WDR49: variants seen among roughly 807,000 people sequenced by gnomAD.
The protein encoded by WDR49 is WD repeat domain 49.
WDR49 carries 107 observed loss-of-function variants against 119.5 expected under a neutral mutation model. The observed-to-expected ratio is 0.90, with a 90% CI of 0.77 to 1.05. The LOEUF (loss-of-function observed/expected upper bound fraction) is 1.05, where lower values mean the gene tolerates loss of function less well. WDR49 is among the 50% of genes least tolerant of loss of function. The pLI, the probability that WDR49 is intolerant of heterozygous loss-of-function variation, is 0.00. For missense variants in WDR49, 1,240 were observed against 1,220.5 expected (o/e 1.02, Z -0.24); for synonymous variants, 425 against 418.8 (o/e 1.01, Z -0.18).
At chr3:167,491,104 T>C (rs768675993) in intron 18 of WDR49, among the ~76,000 whole-genome samples, 4 of 152,124 alleles carry the variant, frequency 2.6e-5, no homozygotes, top group Non-Finnish European at 4.4e-5. Flanking sequence ...TCAAAACAGC[T>C]GACCTTTGCC....
In WDR49 at chr3:167,620,466, T is replaced by C; in HGVS notation, c.921A>G (p.Leu307=). The C allele has an allele frequency of 6.5e-7, 1 of 1,536,116 alleles. No individual in the cohort carries two copies. The highest frequency in any genetic ancestry group is 8.7e-7 in the Non-Finnish European group (1 of 1,146,694). Residue 307 remains leucine, a synonymous_variant, in exon 5 of 19, where the codon TTA becomes TTG. Coordinates refer to ENST00000682715, the MANE Select transcript of WDR49 (RefSeq NM_001366157.1). The part of the protein sequence containing the change: ...LSGCHKCCHI[L]EHKLHQGDWV... ...AATCTCCTTGATGAAGTTTATGCTC[T>C]AATATATGGCAACATTTGTGACATC...
chr3:167,515,996 G>A (rs62277763), intron 16 of WDR49, among the ~76,000 whole-genome samples: 43,945 of 152,052 alleles, frequency 0.29, 6,538 homozygotes, highest in African/African-American at 0.35. Context: ...ACACAAACAA[G>A]TGGAAAAACA....
At chr3:167,537,127 C>T (rs1175537233) in intron 10 of WDR49, 127 bp from the exon 11 acceptor site, 2 of 874,692 alleles carry the variant, frequency 2.3e-6, no homozygotes, top group South Asian at 4.2e-5. Flanking sequence ...TTTATCCCCA[C>T]TTGACAACCA....
chr3:167,529,135 A>T lies in WDR49; in HGVS notation c.2323T>A (p.Ser775Thr). 1.2e-6 allele frequency: 2 copies of T among 1,612,246 alleles called. No individual in the cohort carries two copies. The highest frequency in any genetic ancestry group is 2.2e-5 in the South Asian group (2 of 90,852). The part of the protein sequence containing the change: ...AEFLAHSGVG[S>T]IIMSTDKMNR... ...ATCTTATCAGTAGACATAATAATCG[A>T]TCCAACTCCACTATGAGCCAAAAAT... Residue 775 changes from serine (S) to threonine (T), a missense_variant, in exon 14 of 19, where the codon TCG becomes ACG. By Grantham distance (58) the Ser-to-Thr change is moderately conservative. Transcript: ENST00000682715.
intron 7 of WDR49, among the ~76,000 whole-genome samples, chr3:167,587,839 A>G (rs1714897645): frequency 6.6e-6 from 1 of 152,116 alleles, no homozygotes; most frequent in African/African-American, 2.4e-5. Context: ...GAGTAGGTGT[A>G]TATATTTATT....
intron 2 of WDR49, among the ~76,000 whole-genome samples, chr3:167,632,025 G>A (rs1577290354): frequency 6.6e-6 from 1 of 152,018 alleles, no homozygotes; most frequent in Admixed American, 6.6e-5. Context: ...GATTTTAAGA[G>A]TAGAGAAAGA....
intron 7 of WDR49, among the ~76,000 whole-genome samples, chr3:167,592,171 G>A (rs968849502): frequency 2.0e-5 from 3 of 152,028 alleles, no homozygotes; most frequent in East Asian, 3.8e-4. Context: ...AAACCAACAA[G>A]CAAAAAGAAA....
At position 167,596,572 on chromosome 3, in the gene WDR49, G is replaced by A. The variant is rs1294246256; in HGVS notation, c.1275+5555C>T. ...ATGATGAGTTCATGTCCTTTGTAGG[G>A]ACATGGATGAAATTGGAAATCATCA... is the stretch of plus-strand genomic sequence containing the variant. On this transcript the variant is annotated intron_variant, in intron 7 of 18. Transcript: ENST00000682715. Among the ~76,000 whole-genome samples, 6 of 149,574 alleles carry A rather than the reference G, an allele frequency of 4.0e-5. No homozygotes were observed. In the East Asian group the frequency reaches 1.2e-3, roughly 29 times the overall value.
intron 7 of WDR49, among the ~76,000 whole-genome samples, chr3:167,591,768 A>G (rs943761729): frequency 6.6e-6 from 1 of 151,832 alleles, no homozygotes; most frequent in African/African-American, 2.4e-5. Flanking sequence ...CTTTATTTTC[A>G]GTCAGTGTGT....
At position 167,573,930 on chromosome 3, in the gene WDR49, T is replaced by C. The variant is rs566492392; in HGVS notation, c.1509+1988A>G. 8.5e-4 allele frequency among the ~76,000 whole-genome samples: 129 copies of C among 152,320 alleles called. 1 individual carries two copies. The highest frequency in any genetic ancestry group is 3.0e-3 in the African/African-American group (124 of 41,572). On this transcript the variant is annotated intron_variant, in intron 8 of 18. Transcript: ENST00000682715. ...CAAGCTTCTTTGCAGGTGCTCACGT[T>C]GTATCTTCTGTCTGGAACTACTTCC...
At chr3:167,651,393 C>T (rs150407120) in intron 2 of WDR49, among the ~76,000 whole-genome samples, 2 of 152,276 alleles carry the variant, frequency 1.3e-5, no homozygotes, top group African/African-American at 4.8e-5. Context: ...GCAATCTATA[C>T]CTGTGGCCTC....
At chr3:167,645,319 TC>T (rs1338479465) in intron 2 of WDR49, among the ~76,000 whole-genome samples, 2 of 151,940 alleles carry the variant, frequency 1.3e-5, no homozygotes, top group South Asian at 2.1e-4. Flanking sequence ...CAAGCAATTC[TC>T]CCCCCTCAGC....
At chr3:167,512,217 C>T (rs543932060) in intron 16 of WDR49, among the ~76,000 whole-genome samples, 43 of 152,218 alleles carry the variant, frequency 2.8e-4, no homozygotes, top group African/African-American at 1.0e-3. Context: ...GGCATCAGGT[C>T]AGTGCACCTC....
chr3:167,500,402 T>C lies in WDR49; in HGVS notation c.2885-103A>G, dbSNP rs1023167487. ...CATTTCCAAGTTAACTTTTATAAAT[T>C]TAACCTTCCTGTTACTCAGCTGGTA... On this transcript the variant is annotated intron_variant, in intron 17 of 18. Transcript: ENST00000682715. 2.2e-6 allele frequency: 3 copies of C among 1,386,950 alleles called. No individual in the cohort carries two copies. In the Admixed American group the frequency reaches 7.2e-5, roughly 33 times the overall value. The allele number at this position is 1,386,950 out of a possible 1,614,324, so 85.9% of individuals were successfully genotyped here. A position where few individuals can be genotyped will look rare whatever the true frequency, so the allele number is the denominator to read the frequency against.
chr3:167,643,529 G>T (rs965722076), intron 2 of WDR49, among the ~76,000 whole-genome samples: 1 of 152,070 alleles, frequency 6.6e-6, no homozygotes, highest in African/African-American at 2.4e-5. Context: ...TTGGATCTGT[G>T]ATTTTATATA....
At chr3:167,645,983 T>C (rs1718104553) in intron 2 of WDR49, among the ~76,000 whole-genome samples, 1 of 152,162 alleles carries the variant, frequency 6.6e-6, no homozygotes, top group South Asian at 2.1e-4. Flanking sequence ...GGCAGTGGTA[T>C]TTACACACAT....
At chr3:167,588,434 G>A (rs1371181383) in intron 7 of WDR49, among the ~76,000 whole-genome samples, 1 of 152,082 alleles carries the variant, frequency 6.6e-6, no homozygotes, top group African/African-American at 2.4e-5. Flanking sequence ...ATATCTATAC[G>A]ATATACTGAT....
intron 8 of WDR49, among the ~76,000 whole-genome samples, chr3:167,570,959 A>T (rs1418501793): frequency 2.0e-5 from 3 of 149,006 alleles, no homozygotes; most frequent in Non-Finnish European, 4.4e-5. Flanking sequence ...CAGGAGGCGG[A>T]GGTTGCGGTG....
chr3:167,529,174 G>T lies in WDR49; in HGVS notation c.2284C>A (p.Gln762Lys), dbSNP rs1236327779. The change falls in exon 14 of 19, where the codon CAA (glutamine) becomes AAA (lysine). Residue 762 changes from glutamine (Q) to lysine (K), a missense_variant. Coordinates refer to ENST00000682715, the MANE Select transcript of WDR49 (RefSeq NM_001366157.1). ...TGAGCCAAAAATTCAGCCAGAAGTTGCTTCTTATATATATCCCAAAATCTG... is the reference window on the plus strand; with the variant it reads ...TGAGCCAAAAATTCAGCCAGAAGTTTCTTCTTATATATATCCCAAAATCTG... ...YVRFWDIYKK[Q>K]LLAEFLAHSG... The T allele has an allele frequency of 3.7e-6, 6 of 1,611,786 alleles. No homozygotes were observed. The highest frequency in any genetic ancestry group is 5.1e-6 in the Non-Finnish European group (6 of 1,179,186).
Sources: gnomAD v4.1 joint callset for allele counts (sites outside exome capture counted in the v4.1 genomes callset) on GRCh38, gnomAD v4.1.1 for gene constraint, MANE v1.5 for transcripts, NCBI Gene and HGNC (gene_info 2026-07-23, HGNC 2026-07-21) for gene names.